COL25A1: variants seen among roughly 807,000 people sequenced by gnomAD.
COL25A1 encodes collagen alpha-1(XXV) chain.
In COL25A1, 103 loss-of-function variants were observed where a neutral mutation model predicts 128.4. That is an observed-to-expected ratio of 0.80 (90% confidence interval 0.68 to 0.94). COL25A1 has a LOEUF of 0.94. Ranked by LOEUF, COL25A1 falls within the 40% of genes least tolerant of loss-of-function variation. COL25A1 has a pLI of 0.00. For synonymous variants in COL25A1, 279 were observed against 277.2 expected (o/e 1.01, Z -0.06); for missense variants, 745 against 840.0 (o/e 0.89, Z 1.40).
chr4:109,052,428 G>A (rs1307468430), intron 3 of COL25A1, among the ~76,000 whole-genome samples: 2 of 151,926 alleles, frequency 1.3e-5, no homozygotes, highest in African/African-American at 4.8e-5. Flanking sequence ...AATATGGTAG[G>A]GTTTTACAAA....
At chr4:109,173,591 A>G (rs1773794912) in intron 3 of COL25A1, among the ~76,000 whole-genome samples, 1 of 152,146 alleles carries the variant, frequency 6.6e-6, no homozygotes, top group Admixed American at 6.6e-5. Flanking sequence ...TGCTTTTTCT[A>G]TGAGCCACCA....
At chr4:108,844,598 T>G (rs750847042) in intron 29 of COL25A1, 29 bp from the exon 30 acceptor site, 8 of 1,603,648 alleles carry the variant, frequency 5.0e-6, no homozygotes, top group Non-Finnish European at 6.8e-6. Flanking sequence ...AAAATGTATT[T>G]GGTTACTTCA....
chr4:108,884,132 C>T (rs1461085961), intron 19 of COL25A1, 46 bp downstream of exon 19: 1 of 1,594,332 alleles, frequency 6.3e-7, no homozygotes, highest in African/African-American at 1.3e-5. Flanking sequence ...GGGTGAATCT[C>T]ATAATTACAG....
intron 6 of COL25A1, among the ~76,000 whole-genome samples, chr4:108,984,977 G>A (rs1259235129): frequency 6.6e-6 from 1 of 152,228 alleles, no homozygotes; most frequent in African/African-American, 2.4e-5. Context: ...ATAAGGGTAA[G>A]ATGTTCCTTG....
At chr4:108,894,788 G>C (rs1165285789) in intron 16 of COL25A1, among the ~76,000 whole-genome samples, 4 of 152,154 alleles carry the variant, frequency 2.6e-5, no homozygotes, top group African/African-American at 9.6e-5. Flanking sequence ...GAGTAATCAG[G>C]GTATATCATT....
chr4:109,219,234 T>C (rs1778254672), intron 3 of COL25A1, among the ~76,000 whole-genome samples: 1 of 152,146 alleles, frequency 6.6e-6, no homozygotes, highest in African/African-American at 2.4e-5. Flanking sequence ...TATAAACTCA[T>C]TATTTTACAG....
chr4:109,223,472 A>T lies in COL25A1; in HGVS notation c.367+77111T>A, dbSNP rs1199883171. On this transcript the variant is annotated intron_variant, in intron 3 of 37. Transcript: ENST00000399132. ...TTGACTTTAGAATCCAATATCCCCA[A>T]AGTTTCAGGGTATGCAGAATTAGTT... 2.0e-5 allele frequency among the ~76,000 whole-genome samples: 3 copies of T among 152,074 alleles called. No homozygotes were observed. In the East Asian group the frequency reaches 5.8e-4, roughly 29 times the overall value.
rs191660773 is a variant in COL25A1, at chr4:108,832,614, G to C, written c.1657-181C>G. On this transcript the variant is annotated intron_variant, in intron 31 of 37. Transcript: ENST00000399132. ...GGTTTTCAAGAAACTCATGCAAAAA[G>C]GATGAAGTATATAACTGCATGTTTC... 20 of 559,220 alleles carry C rather than the reference G, an allele frequency of 3.6e-5. No individual in the cohort carries two copies. The East Asian group carries it at 5.5e-4, about 15-fold the overall frequency. The allele number at this position is 559,220 out of a possible 1,614,324, so 34.6% of individuals were successfully genotyped here. A position where few individuals can be genotyped will look rare whatever the true frequency, so the allele number is the denominator to read the frequency against.
chr4:109,259,442 G>A (rs1468913363), intron 3 of COL25A1, among the ~76,000 whole-genome samples: 1 of 152,140 alleles, frequency 6.6e-6, no homozygotes, highest in African/African-American at 2.4e-5. Context: ...CATTGCCATG[G>A]TGACTGGAAG....
rs771855567 is a variant in COL25A1 at position 109,065,545 on chromosome 4, C to CGCGCGT, written c.368-15367_368-15366insACGCGC. Among the ~76,000 whole-genome samples the CGCGCGT allele has an allele frequency of 1.4e-3, 192 of 141,172 alleles. 1 individual carries two copies. The highest frequency in any genetic ancestry group is 0.011 in the Middle Eastern group (3 of 276). The allele number at this position is 141,172 out of a possible 152,430, so 92.6% of individuals were successfully genotyped here. On this transcript the variant is annotated intron_variant, in intron 3 of 37. Transcript: ENST00000399132. The stretch of plus-strand genomic sequence containing the variant: ...TTTTGGTGCAGCACGCGCGCGCGCG[C>CGCGCGT]GTGTGTGTGTGTGTGTGTGTGTGTG...
chr4:108,896,985 C>T (rs1742224025), intron 15 of COL25A1, among the ~76,000 whole-genome samples: 3 of 152,158 alleles, frequency 2.0e-5, no homozygotes, highest in Non-Finnish European at 4.4e-5. Context: ...CACTTAAAGC[C>T]TTCTTAATTC....
At chr4:108,939,166 T>C (rs909144857) in intron 10 of COL25A1, among the ~76,000 whole-genome samples, 3 of 152,236 alleles carry the variant, frequency 2.0e-5, no homozygotes, top group African/African-American at 7.2e-5. Flanking sequence ...TGGTTTTAAC[T>C]ACTTTTTGAA....
intron 3 of COL25A1, among the ~76,000 whole-genome samples, chr4:109,278,211 GCA>G (rs972507530): frequency 5.3e-5 from 8 of 151,884 alleles, no homozygotes; most frequent in African/African-American, 1.9e-4. Flanking sequence ...CCTCTCTACA[GCA>G]CAGAAATAGA....
At chr4:108,897,554 T>A (rs545679095) in intron 15 of COL25A1, among the ~76,000 whole-genome samples, 2 of 152,316 alleles carry the variant, frequency 1.3e-5, no homozygotes, top group Non-Finnish European at 1.5e-5. Context: ...AGGTTTCTCC[T>A]GTGCAATGTA....
At chr4:109,294,233 G>A (rs957270616) in intron 3 of COL25A1, among the ~76,000 whole-genome samples, 3 of 152,028 alleles carry the variant, frequency 2.0e-5, no homozygotes, top group Non-Finnish European at 4.4e-5. Context: ...TCACAAAGGG[G>A]AGGTGCCTGC....
At chr4:109,250,802 C>G (rs1480179162) in intron 3 of COL25A1, among the ~76,000 whole-genome samples, 1 of 152,190 alleles carries the variant, frequency 6.6e-6, no homozygotes, top group African/African-American at 2.4e-5. Context: ...TATCTGGGCA[C>G]TCTGTAGATC....
At chr4:108,839,963 C>T (rs937580726) in intron 31 of COL25A1, among the ~76,000 whole-genome samples, 6 of 151,794 alleles carry the variant, frequency 4.0e-5, no homozygotes, top group Non-Finnish European at 8.8e-5. Flanking sequence ...AGAGTAGGGC[C>T]GGGCGCAGTG....
At chr4:109,239,390 GTGTGTA>G (rs1224936617) in intron 3 of COL25A1, among the ~76,000 whole-genome samples, 1,257 of 106,730 alleles carry the variant, frequency 0.012, 16 homozygotes, top group African/African-American at 0.026. Flanking sequence ...GTGTGTGTGT[GTGTGTA>G]TATATATATA....
At chr4:108,928,197 A>G (rs1746296580) in intron 11 of COL25A1, among the ~76,000 whole-genome samples, 1 of 152,220 alleles carries the variant, frequency 6.6e-6, no homozygotes, top group African/African-American at 2.4e-5. Context: ...AAATATTTCC[A>G]TTGAGCAGTG....
Sources: allele counts gnomAD v4.1 joint callset (sites outside exome capture counted in the v4.1 genomes callset), GRCh38; gene constraint gnomAD v4.1.1; transcripts MANE v1.5; gene names NCBI Gene and HGNC (gene_info 2026-07-23, HGNC 2026-07-21).